Variants in MRRF observed in about 807,000 individuals in gnomAD.
MRRF encodes the protein ribosome-recycling factor, mitochondrial.
MRRF carries 18 observed loss-of-function variants against 25.1 expected under a neutral mutation model. That is an observed-to-expected ratio of 0.72 (90% confidence interval 0.50 to 1.06). MRRF has a LOEUF of 1.06. MRRF is among the 50% of genes least tolerant of loss of function. MRRF has a pLI of 0.00. For missense variants in MRRF, 323 were observed against 319.3 expected, an observed-to-expected ratio of 1.01 and a Z score of -0.09; for synonymous variants, 113 against 112.1, an observed-to-expected ratio of 1.01 and a Z score of -0.05.
chr9:122,268,375 A>G (rs1832249768), intron 1 of MRRF, among the ~76,000 whole-genome samples: 1 of 152,214 alleles, frequency 6.6e-6, no homozygotes, highest in African/African-American at 2.4e-5. Flanking sequence ...CCTGTCTTAA[A>G]TGGAGCAGCC....
intron 2 of MRRF, among the ~76,000 whole-genome samples, chr9:122,278,249 C>A (rs957574377): frequency 1.3e-5 from 2 of 152,026 alleles, no homozygotes; most frequent in South Asian, 2.1e-4. Flanking sequence ...AATAAAAAAA[C>A]CCTGTAGGAA....
At chr9:122,280,852 T>C (rs183762542) in intron 3 of MRRF, among the ~76,000 whole-genome samples, 2 of 152,372 alleles carry the variant, frequency 1.3e-5, no homozygotes, top group Non-Finnish European at 2.9e-5. Flanking sequence ...TATTTATCCA[T>C]GCTGCAAATT....
intron 4 of MRRF, among the ~76,000 whole-genome samples, chr9:122,287,324 C>G: frequency 6.6e-6 from 1 of 152,156 alleles, no homozygotes; most frequent in East Asian, 1.9e-4. Context: ...GTAAATTTTC[C>G]TTGAATGGAT....
At chr9:122,293,390 G>A (rs1833893888) in intron 5 of MRRF, among the ~76,000 whole-genome samples, 1 of 152,128 alleles carries the variant, frequency 6.6e-6, no homozygotes, top group Non-Finnish European at 1.5e-5. Flanking sequence ...GCTGAAGCTG[G>A]GACCCAAACC....
intron 6 of MRRF, among the ~76,000 whole-genome samples, chr9:122,320,633 G>A (rs1195194004): frequency 2.6e-5 from 4 of 152,260 alleles, no homozygotes; most frequent in African/African-American, 7.2e-5. Flanking sequence ...CACTCTTGCA[G>A]TGTGTCTGGC....
At chr9:122,299,009 A>C (rs935423173) in intron 5 of MRRF, among the ~76,000 whole-genome samples, 2 of 152,120 alleles carry the variant, frequency 1.3e-5, no homozygotes, top group Non-Finnish European at 2.9e-5. Context: ...CAAGAAGTGC[A>C]AAGGCCCTGA....
chr9:122,322,704 C>T lies in MRRF; in HGVS notation c.*87C>T. 1 of 1,179,070 alleles carries T rather than the reference C, an allele frequency of 8.5e-7. No individual in the cohort carries two copies. Among genetic ancestry groups the T allele is most frequent in the Non-Finnish European group, 1.3e-6 (1 of 797,630 alleles). The allele number at this position is 1,179,070 out of a possible 1,614,324, so 73.0% of individuals were successfully genotyped here. ...ATTGGGACTTCTCTCCCTCCCCCAT[C>T]TACACAGAAGACTGTCACCATGCTG... On this transcript the variant is annotated 3_prime_UTR_variant, in exon 7 of 7. Coordinates refer to ENST00000344641, the MANE Select transcript of MRRF (RefSeq NM_138777.5).
At chr9:122,321,829 A>G (rs1162815982) in intron 6 of MRRF, among the ~76,000 whole-genome samples, 1 of 151,650 alleles carries the variant, frequency 6.6e-6, no homozygotes, top group Admixed American at 6.6e-5. Context: ...AAAGTATTTC[A>G]GGTGTAGGAA....
rs73557054 is a variant in MRRF, at chr9:122,318,706, A to G, written c.712-3834A>G. On this transcript the variant is annotated intron_variant, in intron 6 of 6. Transcript: ENST00000344641. ...TGATGGTGACGATGTTATCATCTCT[A>G]TGAGGCAGGGTATTATGTTGGCAAG... 8.1e-3 allele frequency among the ~76,000 whole-genome samples: 1,239 copies of G among 152,318 alleles called. 16 individuals carry two copies. The highest frequency in any genetic ancestry group is 0.023 in the African/African-American group (961 of 41,554).
chr9:122,274,655 T>C lies in MRRF; in HGVS notation c.184+3580T>C, dbSNP rs1373476820. The stretch of plus-strand genomic sequence containing the variant: ...ATTTTTCTCTTGATTTAGTAAGTTA[T>C]ATATTTTAGGAAATTTTTCATTTTT... On this transcript the variant is annotated intron_variant, in intron 2 of 6. Coordinates refer to ENST00000344641, the MANE Select transcript of MRRF (RefSeq NM_138777.5). Among the ~76,000 whole-genome samples the C allele has an allele frequency of 2.0e-5, 3 of 152,228 alleles. 1 individual carries two copies. Among genetic ancestry groups the C allele is most frequent in the Admixed American group, 6.5e-5 (1 of 15,280 alleles).
At chr9:122,302,978 G>C (rs1158323416) in intron 5 of MRRF, among the ~76,000 whole-genome samples, 1 of 152,062 alleles carries the variant, frequency 6.6e-6, no homozygotes, top group African/African-American at 2.4e-5. Flanking sequence ...TCATGTGCTT[G>C]TTGGCCATTT....
intron 5 of MRRF, among the ~76,000 whole-genome samples, chr9:122,297,144 C>G (rs1834139053): frequency 6.6e-6 from 1 of 152,146 alleles, no homozygotes; most frequent in African/African-American, 2.4e-5. Flanking sequence ...GAAACCCCAT[C>G]TCTACTAAAA....
chr9:122,294,953 A>G (rs1833995006), intron 5 of MRRF, among the ~76,000 whole-genome samples: 1 of 152,234 alleles, frequency 6.6e-6, no homozygotes, highest in African/African-American at 2.4e-5. Context: ...TCGAGCACCT[A>G]CTATGTGCCA....
Position 122,283,143 on chromosome 9 carries a change from G to T in MRRF, c.341-2026G>T, listed in dbSNP as rs374767305. ...GAGTCTTGCACTGTCGCCAGGAGTG[G>T]AGTGCAATGGCGCGATCTCGGCTCA... On this transcript the variant is annotated intron_variant, in intron 3 of 6. Coordinates refer to ENST00000344641, the MANE Select transcript of MRRF (RefSeq NM_138777.5). Among the ~76,000 whole-genome samples the T allele has an allele frequency of 2.8e-4, 42 of 151,024 alleles. 1 individual carries two copies. In the East Asian group the frequency reaches 8.0e-3, roughly 29 times the overall value.
chr9:122,290,977 T>A (rs1205005504), intron 4 of MRRF, among the ~76,000 whole-genome samples: 1 of 152,198 alleles, frequency 6.6e-6, no homozygotes, highest in Non-Finnish European at 1.5e-5. Context: ...ATATAATAAA[T>A]GTATATAATA....
At chr9:122,267,168 A>G (rs1832164770) in intron 1 of MRRF, among the ~76,000 whole-genome samples, 1 of 151,762 alleles carries the variant, frequency 6.6e-6, no homozygotes. Flanking sequence ...CACCTGAGGT[A>G]AGGAGTTTGA....
At chr9:122,293,444 T>G (rs992244462) in intron 5 of MRRF, among the ~76,000 whole-genome samples, 1 of 152,188 alleles carries the variant, frequency 6.6e-6, no homozygotes, top group Admixed American at 6.5e-5. Context: ...CCCATACCCA[T>G]GCAGACAACA....
intron 5 of MRRF, among the ~76,000 whole-genome samples, chr9:122,298,400 A>T (rs1588053692): frequency 6.6e-6 from 1 of 152,318 alleles, no homozygotes; most frequent in African/African-American, 2.4e-5. Context: ...TCAAGGTATA[A>T]CTTATATGCA....
chr9:122,292,218 A>C (rs1243226976), intron 5 of MRRF, among the ~76,000 whole-genome samples: 1 of 152,196 alleles, frequency 6.6e-6, no homozygotes, highest in Non-Finnish European at 1.5e-5. Flanking sequence ...TAGCCTGAGA[A>C]GACTCTTTAT....
Sources: gnomAD v4.1 joint callset for allele counts (sites outside exome capture counted in the v4.1 genomes callset) on GRCh38, gnomAD v4.1.1 for gene constraint, MANE v1.5 for transcripts, NCBI Gene and HGNC (gene_info 2026-07-23, HGNC 2026-07-21) for gene names.